NIBAN1: variants seen among roughly 807,000 people sequenced by gnomAD.
The protein encoded by NIBAN1 is niban apoptosis regulator 1, also known as protein Niban 1.
A neutral mutation model predicts 75.1 loss-of-function variants in NIBAN1; 81 were observed. The ratio of observed to expected loss-of-function variants is 1.08; its 90% CI spans 0.90 to 1.30. The LOEUF (loss-of-function observed/expected upper bound fraction) is 1.30. Ranked by LOEUF, NIBAN1 falls within the 50% of genes most tolerant of loss-of-function variation. The pLI is 0.00. For missense variants in NIBAN1, 1,133 were observed against 1,128.1 expected (o/e 1.00, Z -0.06); for synonymous variants, 436 against 424.8 (o/e 1.03, Z -0.32).
At chr1:184,908,903 G>A (rs551018086) in intron 1 of NIBAN1, among the ~76,000 whole-genome samples, 1 of 152,056 alleles carries the variant, frequency 6.6e-6, no homozygotes, top group South Asian at 2.1e-4. Flanking sequence ...AAATTAATCT[G>A]ATATAGCTGC....
At chr1:184,931,155 C>T (rs1479075413) in intron 1 of NIBAN1, among the ~76,000 whole-genome samples, 2 of 151,820 alleles carry the variant, frequency 1.3e-5, no homozygotes, top group African/African-American at 4.8e-5. Flanking sequence ...ACCCACTACC[C>T]TACCCGGCTA....
At chr1:184,911,936 T>A (rs1657252122) in intron 1 of NIBAN1, among the ~76,000 whole-genome samples, 1 of 152,110 alleles carries the variant, frequency 6.6e-6, no homozygotes, top group South Asian at 2.1e-4. Context: ...TTAAACAAAA[T>A]ACTACAGCTA....
chr1:184,959,912 G>T (rs1291334849), intron 1 of NIBAN1, among the ~76,000 whole-genome samples: 2 of 152,104 alleles, frequency 1.3e-5, no homozygotes, highest in African/African-American at 4.8e-5. Context: ...TAGAAAATAA[G>T]CTTTTACTTG....
At chr1:184,920,600 A>G (rs1370204960) in intron 1 of NIBAN1, among the ~76,000 whole-genome samples, 1 of 152,162 alleles carries the variant, frequency 6.6e-6, no homozygotes, top group Non-Finnish European at 1.5e-5. Flanking sequence ...CTTCTATGAG[A>G]TGAACTTTTT....
Position 184,809,425 on chromosome 1 carries a change from G to A in NIBAN1, c.1174-1190C>T, listed in dbSNP as rs1042771392. On this transcript the variant is annotated intron_variant, in intron 9 of 13. Transcript: ENST00000367511. ...GTTTAATCAAATGATAACACCTATA[G>A]CTGATAGCAGTATGGGGGAGAAAGC... 1.2e-4 allele frequency among the ~76,000 whole-genome samples: 18 copies of A among 152,274 alleles called. 1 individual carries two copies. Among genetic ancestry groups the A allele is most frequent in the Admixed American group, 1.0e-3 (16 of 15,286 alleles).
At chr1:184,832,017 T>C (rs1571501975) in intron 5 of NIBAN1, 55 bp from the exon 6 acceptor site, 3 of 1,301,358 alleles carry the variant, frequency 2.3e-6, no homozygotes, top group East Asian at 4.6e-5. Context: ...GATTTCCCCA[T>C]AGCTCTTCAA....
At chr1:184,928,564 T>G (rs1384272991) in intron 1 of NIBAN1, among the ~76,000 whole-genome samples, 1 of 152,166 alleles carries the variant, frequency 6.6e-6, no homozygotes, top group Non-Finnish European at 1.5e-5. Context: ...ACTCCCTCCA[T>G]GGGTGCCAGC....
chr1:184,912,786 TTC>T (rs1280510708), intron 1 of NIBAN1, among the ~76,000 whole-genome samples: 3 of 152,204 alleles, frequency 2.0e-5, no homozygotes, highest in Non-Finnish European at 4.4e-5. Context: ...TGACAGCTTT[TTC>T]ATAGAGTCTC....
intron 1 of NIBAN1, among the ~76,000 whole-genome samples, chr1:184,916,145 A>C (rs1657377826): frequency 6.6e-6 from 1 of 152,234 alleles, no homozygotes; most frequent in Non-Finnish European, 1.5e-5. Context: ...TACTTGCAGA[A>C]GCAGAAACAT....
chr1:184,928,845 T>C (rs1657749445), intron 1 of NIBAN1, among the ~76,000 whole-genome samples: 1 of 152,166 alleles, frequency 6.6e-6, no homozygotes, highest in Non-Finnish European at 1.5e-5. Context: ...TGAATAGTTG[T>C]ACAATTTGGT....
chr1:184,945,218 AG>A (rs1170204843), intron 1 of NIBAN1, among the ~76,000 whole-genome samples: 2 of 152,210 alleles, frequency 1.3e-5, no homozygotes, highest in African/African-American at 4.8e-5. Context: ...GGAAGTAACC[AG>A]GGGAACTGCT....
At chr1:184,943,483 G>A (rs1462310435) in intron 1 of NIBAN1, among the ~76,000 whole-genome samples, 1 of 152,116 alleles carries the variant, frequency 6.6e-6, no homozygotes, top group Non-Finnish European at 1.5e-5. Context: ...AAGCAAAGAG[G>A]TTGTATTTGG....
intron 9 of NIBAN1, among the ~76,000 whole-genome samples, chr1:184,812,605 C>T (rs947156056): frequency 2.0e-5 from 3 of 152,178 alleles, no homozygotes; most frequent in Admixed American, 6.5e-5. Context: ...AACCACATAG[C>T]AGTACTTTCT....
chr1:184,959,163 C>T (rs984511951), intron 1 of NIBAN1, among the ~76,000 whole-genome samples: 3 of 152,148 alleles, frequency 2.0e-5, no homozygotes. Flanking sequence ...TGATCCTGCT[C>T]AGCTGTCTGG....
At position 184,899,320 on chromosome 1, in the gene NIBAN1, A is replaced by G. The variant is rs1230340733; in HGVS notation, c.56-11T>C. The G allele has an allele frequency of 1.2e-6, 2 of 1,613,254 alleles. No homozygotes were observed. The highest frequency in any genetic ancestry group is 1.7e-6 in the Non-Finnish European group (2 of 1,179,598). ...CAGCCTCAGTTTTCCCTAGAAAAAT[A>G]TGAAAATTAGAATTCTTAAGTATAG... On this transcript the variant is annotated splice_polypyrimidine_tract_variant and intron_variant, in intron 1 of 13. Transcript: ENST00000367511.
At chr1:184,899,731 A>T (rs984925215) in intron 1 of NIBAN1, among the ~76,000 whole-genome samples, 7 of 146,452 alleles carry the variant, frequency 4.8e-5, no homozygotes, top group African/African-American at 1.8e-4. Flanking sequence ...ATTCTCCTCG[A>T]CCTCCAGTCA....
At chr1:184,939,346 C>T (rs1461816408) in intron 1 of NIBAN1, among the ~76,000 whole-genome samples, 1 of 152,188 alleles carries the variant, frequency 6.6e-6, no homozygotes, top group Non-Finnish European at 1.5e-5. Context: ...ACTGCATAAA[C>T]CAAAAAGCAG....
chr1:184,874,125 C>T (rs182220162), intron 5 of NIBAN1, among the ~76,000 whole-genome samples: 452 of 151,470 alleles, frequency 3.0e-3, no homozygotes, highest in Middle Eastern at 7.0e-3. Flanking sequence ...TTCTAGGATA[C>T]CCACTAACAA....
At chr1:184,939,437 C>T (rs1040252299) in intron 1 of NIBAN1, among the ~76,000 whole-genome samples, 2 of 152,206 alleles carry the variant, frequency 1.3e-5, no homozygotes, top group Non-Finnish European at 2.9e-5. Flanking sequence ...GGCTCCTCTG[C>T]AAGCTTCCTT....
Sources: gnomAD v4.1 joint callset for allele counts (sites outside exome capture counted in the v4.1 genomes callset) on GRCh38, gnomAD v4.1.1 for gene constraint, MANE v1.5 for transcripts, NCBI Gene and HGNC (gene_info 2026-07-23, HGNC 2026-07-21) for gene names.